The following PRR5 variants were observed in gnomAD, a reference collection of about 807,000 sequenced individuals.
PRR5 encodes the protein proline rich 5.
Under a neutral mutation model 30.6 loss-of-function variants are expected in PRR5, and 25 were observed. The observed-to-expected ratio is 0.82, with a 90% CI of 0.60 to 1.14. The LOEUF is 1.14. Ranked by LOEUF, PRR5 falls within the 50% of genes most tolerant of loss-of-function variation. PRR5 has a pLI of 0.00. For missense variants in PRR5, 600 were observed against 547.1 expected (o/e 1.10, Z -0.96); for synonymous variants, 286 against 247.1 (o/e 1.16, Z -1.48).
At chr22:44,735,936 T>C (rs1252610898) in intron 7 of PRR5, among the ~76,000 whole-genome samples, 1 of 152,208 alleles carries the variant, frequency 6.6e-6, no homozygotes, top group Admixed American at 6.5e-5. Flanking sequence ...GGTGTAGCCC[T>C]GGATGGCAGG....
chr22:44,701,062 AAT>A (rs9306483), upstream of PRR5, among the ~76,000 whole-genome samples: 45,070 of 151,856 alleles, frequency 0.3, 7,055 homozygotes, highest in East Asian at 0.44. Flanking sequence ...TTGTATTTTT[AAT>A]AGAGATGGGG....
At chr22:44,720,067 C>A (rs1240146065) in intron 2 of PRR5, among the ~76,000 whole-genome samples, 4 of 152,188 alleles carry the variant, frequency 2.6e-5, no homozygotes, top group African/African-American at 7.2e-5. Flanking sequence ...ATCCACACCC[C>A]CTCTTCTCCC....
chr22:44,703,591 T>C (rs1425914043), intron 1 of PRR5, among the ~76,000 whole-genome samples: 1 of 152,192 alleles, frequency 6.6e-6, no homozygotes, highest in African/African-American at 2.4e-5. Flanking sequence ...GGCTGTCACA[T>C]GCCTGCCTCC....
At chr22:44,732,059 C>G (rs1052262413) in intron 5 of PRR5, among the ~76,000 whole-genome samples, 192 bp from the exon 6 acceptor site, 7 of 152,244 alleles carry the variant, frequency 4.6e-5, no homozygotes, top group African/African-American at 1.4e-4. Context: ...GGCTCTGTGA[C>G]AGTAACCCTT....
rs776727866 is a variant in PRR5, at chr22:44,731,642, C to T, written c.323-88C>T. ...GGGGCCTGAGCCCAGGCCCTCCACT[C>T]CCGCATCCTCTGATGACCCATCCTG... On this transcript the variant is annotated intron_variant, in intron 4 of 7. Coordinates refer to ENST00000336985, the MANE Select transcript of PRR5 (RefSeq NM_181333.4). 1.4e-4 allele frequency: 187 copies of T among 1,366,060 alleles called. 5 individuals carry two copies. In the South Asian group the frequency reaches 1.8e-3, roughly 13 times the overall value. The allele number at this position is 1,366,060 out of a possible 1,614,324, so 84.6% of individuals were successfully genotyped here.
chr22:44,731,093 GGTT>G (rs1322107200), intron 4 of PRR5: 4 of 298,122 alleles, frequency 1.3e-5, no homozygotes, highest in Non-Finnish European at 2.8e-5. Flanking sequence ...TGCTTAGCCG[GGTT>G]GTTAGGAGGA....
chr22:44,670,817 G>A (rs1051408529), intron 1 of PRR5, among the ~76,000 whole-genome samples: 3 of 152,118 alleles, frequency 2.0e-5, no homozygotes, highest in Non-Finnish European at 2.9e-5. Context: ...AGTCAGGGGC[G>A]CAGACACCAG....
At chr22:44,700,613 G>C (rs1926172734), upstream of PRR5, among the ~76,000 whole-genome samples, 1 of 152,184 alleles carries the variant, frequency 6.6e-6, no homozygotes. Flanking sequence ...CAAAAAGTGA[G>C]ACTCTGTCTC....
intron 1 of PRR5, among the ~76,000 whole-genome samples, chr22:44,707,640 TG>T (rs1308871355): frequency 6.6e-6 from 1 of 152,192 alleles, no homozygotes; most frequent in Non-Finnish European, 1.5e-5. Context: ...TGAGGGCACG[TG>T]GGGGTACCAA....
chr22:44,728,675 CG>C (rs1458956144), intron 4 of PRR5, among the ~76,000 whole-genome samples: 1 of 152,228 alleles, frequency 6.6e-6, no homozygotes, highest in Non-Finnish European at 1.5e-5. Flanking sequence ...TCCTGATGGG[CG>C]GCCTCAGGGG....
intron 5 of PRR5, among the ~76,000 whole-genome samples, chr22:44,732,033 C>T (rs796180430): frequency 8.5e-5 from 13 of 152,348 alleles, no homozygotes; most frequent in African/African-American, 3.1e-4. Flanking sequence ...CCCCCAGCAG[C>T]GAGGCACAGC....
chr22:44,735,457 G>A (rs1018732938), intron 7 of PRR5, among the ~76,000 whole-genome samples: 2 of 152,206 alleles, frequency 1.3e-5, no homozygotes, highest in African/African-American at 2.4e-5. Flanking sequence ...TGGGCCAGGC[G>A]GAGTGCTCGG....
At position 44,726,633 on chromosome 22, in the gene PRR5, G is replaced by C. The variant is rs28450358; in HGVS notation, c.321G>C (p.Glu107Asp). 6.2e-7 allele frequency: 1 copy of C among 1,614,116 alleles called. No individual in the cohort carries two copies. Among genetic ancestry groups the C allele is most frequent in the East Asian group, 2.2e-5 (1 of 44,882 alleles). ...VILRDKIRFY[E>D]GQKLLDSLAE... is the part of the protein sequence containing the mutation. Reference sequence around the variant, plus strand: ...TTCGGGACAAGATTCGCTTCTATGAGGGTGAGTGTGGGCCCCTTGGCGGCC... The same window carrying C: ...TTCGGGACAAGATTCGCTTCTATGACGGTGAGTGTGGGCCCCTTGGCGGCC... The change falls in exon 4 of 8, where the codon GAG (glutamate) becomes GAC (aspartate). Residue 107 changes from glutamate to aspartate, a missense_variant and splice_region_variant. Physicochemically the swap from Glu to Asp is conservative, Grantham distance 45. Transcript: ENST00000336985.
Position 44,717,308 on chromosome 22 carries a change from C to G in PRR5, c.215+2637C>G, listed in dbSNP as rs113284329. On this transcript the variant is annotated intron_variant, in intron 2 of 7. Transcript: ENST00000336985. ...CCGGGTTCAAGCGATTCTCCTGCCT[C>G]GGCCTCCTGAGTAGCTGGGATTACA... Among the ~76,000 whole-genome samples, 385 of 151,052 alleles carry G rather than the reference C, an allele frequency of 2.5e-3. 2 individuals carry two copies. Among genetic ancestry groups the G allele is most frequent in the Middle Eastern group, 0.014 (4 of 292 alleles).
Position 44,735,124 on chromosome 22 carries a change from A to C in PRR5, c.653A>C (p.His218Pro), listed in dbSNP as rs764236906. 6.2e-7 allele frequency: 1 copy of C among 1,612,886 alleles called. No individual in the cohort carries two copies. Among genetic ancestry groups the C allele is most frequent in the South Asian group, 1.1e-5 (1 of 91,048 alleles). Residue 218 changes from histidine (H) to proline (P), a missense_variant, in exon 7 of 8, where the codon CAC becomes CCC. His to Pro is a moderately conservative substitution (Grantham distance 77). Coordinates refer to ENST00000336985, the MANE Select transcript of PRR5 (RefSeq NM_181333.4). Reference protein sequence around the residue: ...VSPYLGTYGLHSSEGPFTHSC... With the variant: ...VSPYLGTYGLPSSEGPFTHSC... ...CCATACCTGGGCACCTACGGCCTCC[A>C]CTCCAGCGAGGGGCCCTTCACCCAT...
chr22:44,725,730 TCTC>T (rs373342728), intron 3 of PRR5, among the ~76,000 whole-genome samples: 369 of 152,276 alleles, frequency 2.4e-3, no homozygotes, highest in African/African-American at 8.6e-3. Flanking sequence ...AGTGGCGCGA[TCTC>T]AGCTCACTGC....
intron 6 of PRR5, 172 bp from the exon 7 acceptor site, chr22:44,734,855 G>GT: frequency 1.2e-6 from 1 of 839,534 alleles, no homozygotes. Context: ...CACATGCTCT[G>GT]AGAGGGGCTG....
intron 1 of PRR5, among the ~76,000 whole-genome samples, chr22:44,710,290 C>A (rs920852931): frequency 7.2e-5 from 11 of 152,246 alleles, no homozygotes; most frequent in African/African-American, 2.4e-4. Context: ...CCTGCACCCC[C>A]CCCCCAGCGC....
intron 1 of PRR5, among the ~76,000 whole-genome samples, chr22:44,684,534 G>A (rs1356933616): frequency 3.3e-5 from 5 of 152,202 alleles, no homozygotes; most frequent in East Asian, 1.9e-4. Flanking sequence ...GCAACAGAGC[G>A]AGACTCAAAA....
Sources: allele counts gnomAD v4.1 joint callset (sites outside exome capture counted in the v4.1 genomes callset), GRCh38; gene constraint gnomAD v4.1.1; transcripts MANE v1.5; gene names NCBI Gene and HGNC (gene_info 2026-07-23, HGNC 2026-07-21).